The following TJP1 variants were observed in gnomAD, a reference collection of about 807,000 sequenced individuals.
TJP1 encodes tight junction protein ZO-1.
TJP1 carries 43 observed loss-of-function variants against 194.2 expected under a neutral mutation model. That is an observed-to-expected ratio of 0.22 (90% confidence interval 0.17 to 0.29). The LOEUF (loss-of-function observed/expected upper bound fraction) is 0.29, where lower values mean the gene tolerates loss of function less well. TJP1 is among the 10% of genes least tolerant of loss of function. The probability of loss-of-function intolerance (pLI) is 1.00; values close to 1 mark genes in which losing one functional copy is unlikely to be tolerated. For synonymous variants in TJP1, 801 were observed against 779.0 expected (o/e 1.03, Z -0.47); for missense variants, 1,971 against 2,185.7 (o/e 0.90, Z 1.96).
chr15:29,910,375 ACT>A (rs1264790712), intron 2 of TJP1, among the ~76,000 whole-genome samples: 1 of 152,146 alleles, frequency 6.6e-6, no homozygotes, highest in Non-Finnish European at 1.5e-5. Flanking sequence ...ACAATACCTG[ACT>A]CTCTGCCAAG....
At chr15:29,753,739 C>T (rs543002838) in intron 8 of TJP1, among the ~76,000 whole-genome samples, 8 of 150,966 alleles carry the variant, frequency 5.3e-5, no homozygotes, top group Admixed American at 2.0e-4. Flanking sequence ...TGATTCGACT[C>T]GCTGATTAAC....
At chr15:29,733,058 T>C (rs1235834505) in intron 13 of TJP1, 36 bp downstream of exon 13, 1 of 1,588,956 alleles carries the variant, frequency 6.3e-7, no homozygotes. Flanking sequence ...ATCATTTACT[T>C]GATTCACTCT....
At position 29,762,323 on chromosome 15, in the gene TJP1, A is replaced by G. The variant is rs755720080; in HGVS notation, c.693+12T>C. The G allele has an allele frequency of 1.9e-6, 3 of 1,598,062 alleles. No individual in the cohort carries two copies. Among genetic ancestry groups the G allele is most frequent in the East Asian group, 4.5e-5 (2 of 44,724 alleles). On this transcript the variant is annotated intron_variant, in intron 6 of 27. Transcript: ENST00000614355. ...TATTTCAGTTCATTAAAAAGTAAGAATATGATTATACCTTCAATACAACAT... is the reference window on the plus strand; with the variant it reads ...TATTTCAGTTCATTAAAAAGTAAGAGTATGATTATACCTTCAATACAACAT...
intron 19 of TJP1, 81 bp downstream of exon 19, chr15:29,720,277 A>C (rs1595617825): frequency 4.0e-6 from 5 of 1,240,340 alleles, no homozygotes; most frequent in East Asian, 2.3e-5. Context: ...AGGACAACAT[A>C]TATATTTTTA....
chr15:29,949,623 C>T (rs2055531769), intron 2 of TJP1, among the ~76,000 whole-genome samples: 1 of 139,602 alleles, frequency 7.2e-6, no homozygotes, highest in Admixed American at 7.6e-5. Flanking sequence ...ACCACCACCA[C>T]CTCCACCTCC....
chr15:29,965,727 TAA>T (rs1278816184), intron 1 of TJP1, among the ~76,000 whole-genome samples: 1 of 152,146 alleles, frequency 6.6e-6, no homozygotes, highest in African/African-American at 2.4e-5. Context: ...CCAAAGCGTA[TAA>T]GAGAAAAATA....
chr15:29,874,874 T>C (rs1448881747), intron 2 of TJP1, among the ~76,000 whole-genome samples: 2 of 152,158 alleles, frequency 1.3e-5, no homozygotes, highest in African/African-American at 2.4e-5. Context: ...TGCACGTACA[T>C]AAAGTAGGAC....
chr15:29,728,237 T>C (rs2043367140), intron 15 of TJP1: 1 of 446,648 alleles, frequency 2.2e-6, no homozygotes, highest in African/African-American at 2.0e-5. Context: ...GAAAAAAACT[T>C]AGCCATTAAA....
intron 2 of TJP1, among the ~76,000 whole-genome samples, chr15:29,925,422 G>A (rs1342003278): frequency 6.6e-6 from 1 of 152,090 alleles, no homozygotes; most frequent in African/African-American, 2.4e-5. Context: ...CTGCCACCAG[G>A]TGTGTGGTGA....
At chr15:29,775,014 C>T (rs1245345466) in intron 2 of TJP1, among the ~76,000 whole-genome samples, 2 of 151,648 alleles carry the variant, frequency 1.3e-5, no homozygotes, top group Non-Finnish European at 3.0e-5. Context: ...ATTGGTAAGA[C>T]TTAAATTGCA....
chr15:29,729,565 A>G (rs1390391214), intron 15 of TJP1: 1 of 152,072 alleles, frequency 6.6e-6, no homozygotes, highest in Non-Finnish European at 1.5e-5. Context: ...CACGCCTGTA[A>G]TCCCAGCACT....
At chr15:29,768,764 G>A (rs2046471611) in intron 4 of TJP1, among the ~76,000 whole-genome samples, 1 of 151,976 alleles carries the variant, frequency 6.6e-6, no homozygotes, top group South Asian at 2.1e-4. Context: ...TTATAAACAT[G>A]AATAATAATT....
rs33939764 is a variant in TJP1, at chr15:29,868,057, C to CAAAA, written c.307-67359_307-67356dup. ...TGGGTGATAGATTAAGATTCTGTCT[C>CAAAA]AAAAAAAAAAAAAAAAAATCAGCTG... On this transcript the variant is annotated intron_variant, in intron 2 of 28. Coordinates refer to the TJP1 transcript ENST00000356107. Among the ~76,000 whole-genome samples, 198 of 127,328 alleles carry CAAAA rather than the reference C, an allele frequency of 1.6e-3. 1 individual carries two copies. The highest frequency in any genetic ancestry group is 2.5e-3 in the South Asian group (9 of 3,672). 83.5% of individuals were successfully genotyped at this position (127,328 alleles called of 152,430 possible). A position where few individuals can be genotyped will look rare whatever the true frequency, so the allele number is the denominator to read the frequency against.
intron 2 of TJP1, among the ~76,000 whole-genome samples, chr15:29,928,912 A>T (rs1311754753): frequency 1.3e-5 from 2 of 152,032 alleles, no homozygotes; most frequent in East Asian, 3.9e-4. Flanking sequence ...ATTGCACTCC[A>T]GCCTGGGCGA....
chr15:29,758,587 G>A (rs554757545), intron 8 of TJP1, among the ~76,000 whole-genome samples: 1 of 152,190 alleles, frequency 6.6e-6, no homozygotes, highest in Non-Finnish European at 1.5e-5. Context: ...GATTCAGATT[G>A]CGTTATTTAA....
At chr15:29,801,409 C>G (rs184255695) in intron 1 of TJP1, among the ~76,000 whole-genome samples, 2 of 152,148 alleles carry the variant, frequency 1.3e-5, no homozygotes, top group Admixed American at 1.3e-4. Flanking sequence ...TTATAGCGTA[C>G]TTCAGTTTTA....
intron 1 of TJP1, among the ~76,000 whole-genome samples, chr15:29,816,188 C>T (rs76490635): frequency 1.3e-5 from 2 of 151,914 alleles, no homozygotes; most frequent in Admixed American, 1.3e-4. Context: ...CTACCACACC[C>T]GGCTAATTTT....
At chr15:29,717,989 T>A in intron 22 of TJP1, 32 bp downstream of exon 22, 2 of 1,572,972 alleles carry the variant, frequency 1.3e-6, no homozygotes, top group South Asian at 2.3e-5. Context: ...CCTGGTCAGT[T>A]CTATGCCACA....
chr15:29,959,597 G>A (rs1475206551), intron 1 of TJP1, among the ~76,000 whole-genome samples: 1 of 152,128 alleles, frequency 6.6e-6, no homozygotes, highest in Non-Finnish European at 1.5e-5. Context: ...CAAGTCAGTA[G>A]CTACCTCTAG....
Sources: gnomAD v4.1 joint callset for allele counts (sites outside exome capture counted in the v4.1 genomes callset) on GRCh38, gnomAD v4.1.1 for gene constraint, MANE v1.5 for transcripts, NCBI Gene and HGNC (gene_info 2026-07-23, HGNC 2026-07-21) for gene names.